KCTD1: variants seen among roughly 807,000 people sequenced by gnomAD.
KCTD1 encodes potassium channel tetramerization domain containing 1.
Under a neutral mutation model 66.0 loss-of-function variants are expected in KCTD1, and 24 were observed. The ratio of observed to expected loss-of-function variants is 0.36; its 90% CI spans 0.26 to 0.51. The LOEUF (loss-of-function observed/expected upper bound fraction) is 0.51. Ranked by LOEUF, KCTD1 falls within the 20% of genes least tolerant of loss-of-function variation. KCTD1 has a pLI of 0.95. For missense variants in KCTD1, 943 were observed against 1,205.2 expected (o/e 0.78, Z 3.22); for synonymous variants, 511 against 517.2 (o/e 0.99, Z 0.16).
At position 26,622,752 on chromosome 18, in the gene KCTD1, T is replaced by A. The variant is rs1987413423; in HGVS notation, c.-16+6395A>T. ...CAGGAGCCTACCAGATGGGTAGGGG[T>A]GGAGAGGGTAGAGAGGGGGTGGCGG... On this transcript the variant is annotated intron_variant, in intron 1 of 4. Transcript: ENST00000317932. Among the ~76,000 whole-genome samples the A allele has an allele frequency of 2.0e-5, 3 of 149,242 alleles. No individual in the cohort carries two copies. In the South Asian group the frequency reaches 6.5e-4, roughly 32 times the overall value.
intron 1 of KCTD1, 39 bp downstream of exon 1, chr18:26,546,689 C>T (rs1242402306): frequency 1.6e-5 from 25 of 1,516,828 alleles, no homozygotes; most frequent in Non-Finnish European, 6.2e-6. Flanking sequence ...CGAAGTGGTA[C>T]CAAAGAAACA....
chr18:26,583,837 C>A (rs906299376), intron 1 of KCTD1, among the ~76,000 whole-genome samples: 7 of 152,150 alleles, frequency 4.6e-5, no homozygotes, highest in African/African-American at 1.7e-4. Flanking sequence ...ACAAAAGTGG[C>A]TCCTAAGGAC....
chr18:26,464,173 G>C (rs1326246777), intron 3 of KCTD1, among the ~76,000 whole-genome samples: 2 of 152,360 alleles, frequency 1.3e-5, no homozygotes, highest in East Asian at 3.9e-4. Flanking sequence ...CAGGTCAGAA[G>C]TCGGAAATGG....
intron 1 of KCTD1, among the ~76,000 whole-genome samples, chr18:26,608,964 G>A (rs1178927268): frequency 6.6e-6 from 1 of 152,156 alleles, no homozygotes; most frequent in African/African-American, 2.4e-5. Context: ...TCGCATTCTG[G>A]TGGGGCTCAG....
At chr18:26,465,619 C>A (rs895880588) in intron 3 of KCTD1, among the ~76,000 whole-genome samples, 8 of 152,212 alleles carry the variant, frequency 5.3e-5, no homozygotes, top group Non-Finnish European at 1.0e-4. Context: ...GCCACTGTCT[C>A]CACTCCCATC....
intron 1 of KCTD1, among the ~76,000 whole-genome samples, chr18:26,533,296 T>C (rs894575077): frequency 1.3e-5 from 2 of 152,246 alleles, no homozygotes; most frequent in Admixed American, 6.5e-5. Flanking sequence ...TAGTATAAAC[T>C]AAATTACAAC....
intron 1 of KCTD1, among the ~76,000 whole-genome samples, chr18:26,512,635 A>T (rs567711509): frequency 6.6e-6 from 1 of 152,260 alleles, no homozygotes; most frequent in South Asian, 2.1e-4. Flanking sequence ...GTTTAATTTG[A>T]GAATTAGTCA....
chr18:26,622,974 C>T (rs1340403307), intron 1 of KCTD1, among the ~76,000 whole-genome samples: 1 of 152,190 alleles, frequency 6.6e-6, no homozygotes. Context: ...ATTTAGTCCT[C>T]TTATTCATCA....
chr18:26,538,352 C>T (rs895408513), intron 1 of KCTD1, among the ~76,000 whole-genome samples: 1 of 152,094 alleles, frequency 6.6e-6, no homozygotes, highest in East Asian at 1.9e-4. Context: ...ACGTGGGCCA[C>T]AGAACATGCA....
intron 1 of KCTD1, among the ~76,000 whole-genome samples, chr18:26,585,363 T>C (rs1165002928): frequency 6.6e-6 from 1 of 152,226 alleles, no homozygotes; most frequent in African/African-American, 2.4e-5. Context: ...GTACAAAGAA[T>C]TCAGTGTTTG....
chr18:26,502,506 T>C (rs1982817001), intron 1 of KCTD1, among the ~76,000 whole-genome samples: 2 of 152,200 alleles, frequency 1.3e-5, no homozygotes. Context: ...AACTATACTC[T>C]TGAGAAAATA....
intron 2 of KCTD1, among the ~76,000 whole-genome samples, chr18:26,485,364 G>A (rs1240092089): frequency 1.3e-5 from 2 of 152,198 alleles, no homozygotes; most frequent in African/African-American, 4.8e-5. Flanking sequence ...CCTCACTGTG[G>A]CCATTCTGCT....
intron 1 of KCTD1, among the ~76,000 whole-genome samples, chr18:26,514,448 G>T (rs1170620698): frequency 6.6e-6 from 1 of 151,056 alleles, no homozygotes; most frequent in African/African-American, 2.4e-5. Flanking sequence ...GACTCAGGAG[G>T]TTGAAACAGG....
intron 1 of KCTD1, among the ~76,000 whole-genome samples, chr18:26,555,396 G>A (rs1388869605): frequency 6.6e-6 from 1 of 152,168 alleles, no homozygotes; most frequent in Non-Finnish European, 1.5e-5. Flanking sequence ...CTGCACTCCA[G>A]CCTGGGCAAC....
chr18:26,490,141 C>T (rs187179245), intron 2 of KCTD1, among the ~76,000 whole-genome samples: 89 of 152,312 alleles, frequency 5.8e-4, no homozygotes, highest in African/African-American at 2.0e-3. Flanking sequence ...TCTCCTGCCA[C>T]ACCACCATGG....
intron 3 of KCTD1, among the ~76,000 whole-genome samples, chr18:26,465,939 C>T (rs1378984810): frequency 6.6e-6 from 1 of 152,220 alleles, no homozygotes; most frequent in Non-Finnish European, 1.5e-5. Context: ...GATACAGCCT[C>T]GGTGGCGGCA....
chr18:26,459,965 C>T, intron 3 of KCTD1, 40 bp from the exon 4 acceptor site: 1 of 1,437,636 alleles, frequency 7.0e-7, no homozygotes, highest in Non-Finnish European at 9.4e-7. Context: ...AAACTGCAAA[C>T]ATAAAGTACT....
At chr18:26,536,632 G>C (rs556978198) in intron 1 of KCTD1, among the ~76,000 whole-genome samples, 2 of 152,260 alleles carry the variant, frequency 1.3e-5, no homozygotes, top group East Asian at 3.9e-4. Flanking sequence ...CTGATCTCCA[G>C]CCAGTACTTT....
At chr18:26,612,906 G>T (rs939334736) in intron 1 of KCTD1, among the ~76,000 whole-genome samples, 2 of 152,176 alleles carry the variant, frequency 1.3e-5, no homozygotes, top group Admixed American at 1.3e-4. Context: ...TGTTTTAGGT[G>T]GAAGGGTAAA....
Sources: allele counts gnomAD v4.1 joint callset (sites outside exome capture counted in the v4.1 genomes callset), GRCh38; gene constraint gnomAD v4.1.1; transcripts MANE v1.5; gene names NCBI Gene and HGNC (gene_info 2026-07-23, HGNC 2026-07-21).